The following SCYGR5 variants were observed in gnomAD, a reference collection of about 807,000 sequenced individuals.
SCYGR5 encodes small cysteine and glycine repeat-containing protein 5.
exon 1 of SCYGR5, chr2:227,666,846 G>A (rs995680635): frequency 4.6e-5 from 18 of 391,636 alleles, no homozygotes; most frequent in East Asian, 1.1e-4. Context: ...CTGCGGTGGC[G>A]GCTGTGGTGG....
exon 1 of SCYGR5, chr2:227,666,947 C>T (rs527476609): frequency 5.4e-4 from 215 of 395,054 alleles, no homozygotes; most frequent in East Asian, 1.5e-3. Flanking sequence ...GTGGGGGCTG[C>T]TGCAGCACAC....
In SCYGR5 at chr2:227,666,959, T is replaced by C. The variant is rs931561421; in HGVS notation, c.156T>C (p.Pro52=). Residue 52 remains proline (P), a synonymous_variant, in exon 1 of 1, where the codon CCT becomes CCC. Transcript: ENST00000641976. ...GCTGTGGGGGCTGCTGCAGCACACC[T>C]GTGATCTGCTGCTGCCGCCGCACCT... 1.9e-3 allele frequency: 745 copies of C among 395,016 alleles called. 12 individuals carry two copies. The East Asian group carries it at 0.025, about 13-fold the overall frequency. 24.5% of individuals were successfully genotyped at this position (395,016 alleles called of 1,614,324 possible).
chr2:227,666,961 T>C (rs1694714614), exon 1 of SCYGR5: 1 of 395,032 alleles, frequency 2.5e-6, no homozygotes, highest in Non-Finnish European at 4.4e-6. Context: ...AGCACACCTG[T>C]GATCTGCTGC....
chr2:227,666,984 T>G (rs1694714969), exon 1 of SCYGR5: 4 of 398,968 alleles, frequency 1.0e-5, no homozygotes, highest in African/African-American at 8.2e-5. Context: ...CCGCCGCACC[T>G]GCTGCTCATG....
In SCYGR5 at chr2:227,666,938, TG is replaced by T; in HGVS notation, c.140del (p.Gly47AlafsTer7). 2.5e-6 allele frequency: 1 copy of T among 394,992 alleles called. No homozygotes were observed. The highest frequency in any genetic ancestry group is 3.6e-5 in the East Asian group (1 of 28,072). The allele number at this position is 394,992 out of a possible 1,614,324, so 24.5% of individuals were successfully genotyped here. A position where few individuals can be genotyped will look rare whatever the true frequency, so the allele number is the denominator to read the frequency against. ...GCTGCCCCTGCTGCCGCGGCTGCTG[TG>T]GGGGCTGCTGCAGCACACCTGTGAT... is the stretch of plus-strand genomic sequence containing the variant. On this transcript the variant is annotated frameshift_variant, in exon 1 of 1. Coordinates refer to ENST00000641976, the Ensembl canonical transcript of SCYGR5. LOFTEE classifies it high-confidence loss of function.
At chr2:227,666,902 C>T (rs1694713436) in exon 1 of SCYGR5, 2 of 399,048 alleles carry the variant, frequency 5.0e-6, no homozygotes, top group Non-Finnish European at 8.8e-6. Context: ...GGGTGGGCTG[C>T]TGCTCCAGCT....
exon 1 of SCYGR5, chr2:227,667,052 C>T (rs916773218): frequency 2.5e-5 from 10 of 399,102 alleles, no homozygotes; most frequent in Admixed American, 1.3e-4. Flanking sequence ...AGAAGCAATG[C>T]TGCTGCTAGG....
exon 1 of SCYGR5, chr2:227,667,061 G>A: frequency 5.0e-6 from 2 of 399,162 alleles, no homozygotes; most frequent in Admixed American, 4.4e-5. Context: ...GCTGCTGCTA[G>A]GCGGCCGGCC....
rs566253553 is a variant in SCYGR5 at position 227,666,820 on chromosome 2, G to T, written c.17G>T (p.Cys6Phe). 30 of 400,462 alleles carry T rather than the reference G, an allele frequency of 7.5e-5. No individual in the cohort carries two copies. In the South Asian group the frequency reaches 3.8e-3, roughly 50 times the overall value. 24.8% of individuals were successfully genotyped at this position (400,462 alleles called of 1,614,324 possible). A position where few individuals can be genotyped will look rare whatever the true frequency, so the allele number is the denominator to read the frequency against. ...ACTGACACCATGGGTTGCTGTGGTT[G>T]TGGAGGTTGTGGTGGCTGCGGTGGC... Residue 6 changes from cysteine (C) to phenylalanine (F), a missense_variant, in exon 1 of 1, where the codon TGT (cysteine) becomes TTT (phenylalanine). By Grantham distance (205) the Cys-to-Phe change is radical. Transcript: ENST00000641976.
chr2:227,666,929 C>T (rs974562677), exon 1 of SCYGR5: 30 of 399,094 alleles, frequency 7.5e-5, no homozygotes, highest in East Asian at 6.8e-4. Flanking sequence ...CCTGCTGCCG[C>T]GGCTGCTGTG....
chr2:227,666,856 G>A, exon 1 of SCYGR5: 1 of 400,580 alleles, frequency 2.5e-6, no homozygotes, highest in Non-Finnish European at 4.4e-6. Context: ...GGCTGTGGTG[G>A]TGGCTGTGGC....
chr2:227,666,973 G>A, exon 1 of SCYGR5: 1 of 395,078 alleles, frequency 2.5e-6, no homozygotes. Flanking sequence ...ATCTGCTGCT[G>A]CCGCCGCACC....
exon 1 of SCYGR5, chr2:227,666,848 C>T (rs1694712791): frequency 7.5e-6 from 3 of 400,578 alleles, no homozygotes; most frequent in Middle Eastern, 1.2e-3. Flanking sequence ...GCGGTGGCGG[C>T]TGTGGTGGTG....
At chr2:227,667,002 G>A (rs1694715214) in exon 1 of SCYGR5, 5 of 399,138 alleles carry the variant, frequency 1.3e-5, no homozygotes, top group South Asian at 1.3e-4. Context: ...ATGTGGCTGC[G>A]GCTGTGGGAA....
chr2:227,666,849 T>A, exon 1 of SCYGR5: 1 of 391,976 alleles, frequency 2.6e-6, no homozygotes, highest in Non-Finnish European at 4.4e-6. Context: ...CGGTGGCGGC[T>A]GTGGTGGTGG....
At chr2:227,666,836 C>G in exon 1 of SCYGR5, 1 of 400,510 alleles carries the variant, frequency 2.5e-6, no homozygotes. Context: ...GTTGTGGTGG[C>G]TGCGGTGGCG....
Sources: gnomAD v4.1 joint callset for allele counts on GRCh38, gnomAD v4.1.1 for gene constraint, MANE v1.5 for transcripts, NCBI Gene and HGNC (gene_info 2026-07-23, HGNC 2026-07-21) for gene names.